PCDHA4: variants seen among roughly 807,000 people sequenced by gnomAD.
The protein encoded by PCDHA4 is protocadherin alpha-4.
Under a neutral mutation model 61.4 loss-of-function variants are expected in PCDHA4, and 49 were observed. That is an observed-to-expected ratio of 0.80 (90% CI 0.63 to 1.01). The LOEUF (loss-of-function observed/expected upper bound fraction) is 1.01. PCDHA4 is among the 50% of genes least tolerant of loss of function. The pLI, the probability that PCDHA4 is intolerant of heterozygous loss-of-function variation, is 0.00. For synonymous variants in PCDHA4, 590 were observed against 550.3 expected, an observed-to-expected ratio of 1.07 and a Z score of -1.01; for missense variants, 1,254 against 1,235.8, an observed-to-expected ratio of 1.01 and a Z score of -0.22.
chr5:140,893,667 A>C (rs564806011), intron 1 of PCDHA4, among the ~76,000 whole-genome samples: 4 of 152,316 alleles, frequency 2.6e-5, no homozygotes, highest in African/African-American at 9.6e-5. Flanking sequence ...AAAAAATTTC[A>C]GCACTTTGGA....
At chr5:140,970,327 A>AGCATG (rs2096397524) in intron 1 of PCDHA4, among the ~76,000 whole-genome samples, 1 of 152,204 alleles carries the variant, frequency 6.6e-6, no homozygotes, top group African/African-American at 2.4e-5. Context: ...GTACTTCCAA[A>AGCATG]GCATGCATTC....
chr5:140,869,730 T>G (rs1319130298), intron 1 of PCDHA4: 24 of 1,613,274 alleles, frequency 1.5e-5, no homozygotes, highest in Non-Finnish European at 2.0e-5. Context: ...CGGAACTTAA[T>G]TTGCTGCTAA....
At position 140,982,483 on chromosome 5, in the gene PCDHA4, A is replaced by C. The variant is rs1554244276; in HGVS notation, c.2453A>C (p.His818Pro). 1.2e-5 allele frequency: 20 copies of C among 1,614,142 alleles called. No homozygotes were observed. In the South Asian group the frequency reaches 1.9e-4, roughly 15 times the overall value. The stretch of plus-strand genomic sequence containing the variant: ...TCTGTGTGTTTATTCAGCTCTGTGC[A>C]CCTAGAGGAGGCTGGCATTCTACGG... ...SLRAGMHSSV[H>P]LEEAGILRAG... The change falls in exon 3 of 4, where the codon CAC becomes CCC. Residue 818 changes from histidine to proline, a missense_variant. By Grantham distance (77) the His-to-Pro change is moderately conservative. Coordinates refer to ENST00000530339, the MANE Select transcript of PCDHA4 (RefSeq NM_018907.4).
rs73793505 is a variant in PCDHA4, at chr5:140,858,470, T to C, written c.2385+48898T>C. The C allele has an allele frequency of 3.2e-3, 4,807 of 1,519,778 alleles. 358 individuals are homozygous for C. In the African/African-American group the frequency reaches 0.058, roughly 18 times the overall value. 94.1% of individuals were successfully genotyped at this position (1,519,778 alleles called of 1,614,324 possible). A position where few individuals can be genotyped will look rare whatever the true frequency, so the allele number is the denominator to read the frequency against. On this transcript the variant is annotated intron_variant, in intron 1 of 3. Transcript: ENST00000530339. ...TTACGTTTTCATTTTCCTTTTGTGC[T>C]TTATGAATAATATTTTCTCTTACCG...
chr5:140,820,952 GT>G (rs1554127955), intron 1 of PCDHA4, among the ~76,000 whole-genome samples: 2 of 151,916 alleles, frequency 1.3e-5, no homozygotes, highest in African/African-American at 4.8e-5. Context: ...CCCCATTACA[GT>G]TTTTGAGTCA....
chr5:140,876,062 G>C, intron 1 of PCDHA4: 1 of 1,613,842 alleles, frequency 6.2e-7, no homozygotes, highest in South Asian at 1.1e-5. Flanking sequence ...TTAGTTCTTC[G>C]GAAGTTATTG....
chr5:140,981,755 A>G (rs868964961), intron 2 of PCDHA4, among the ~76,000 whole-genome samples: 12 of 152,222 alleles, frequency 7.9e-5, no homozygotes, highest in Admixed American at 3.3e-4. Context: ...TTAGTATTAG[A>G]CATACATAAA....
intron 1 of PCDHA4, chr5:140,853,842 C>G: frequency 1.0e-6 from 1 of 986,448 alleles, no homozygotes; most frequent in Non-Finnish European, 1.2e-6. Flanking sequence ...AATTTTAGAT[C>G]CATAGCCCTA....
At chr5:140,941,375 G>A (rs1441847516) in intron 1 of PCDHA4, among the ~76,000 whole-genome samples, 1 of 134,938 alleles carries the variant, frequency 7.4e-6, no homozygotes, top group Non-Finnish European at 1.5e-5. Context: ...GGAGTGTAGT[G>A]ACAGGATTTT....
chr5:140,957,883 A>C (rs1413437105), intron 1 of PCDHA4, among the ~76,000 whole-genome samples: 1 of 152,098 alleles, frequency 6.6e-6, no homozygotes. Flanking sequence ...TGAAAAGCTG[A>C]AGTTGGCATC....
At chr5:140,929,768 C>T (rs534287991) in intron 1 of PCDHA4, 1 of 175,482 alleles carries the variant, frequency 5.7e-6, no homozygotes, top group South Asian at 2.0e-4. Context: ...ACGATAACCA[C>T]AAAAGATGTA....
intron 1 of PCDHA4, among the ~76,000 whole-genome samples, chr5:140,818,650 AAT>A (rs1475633979): frequency 1.3e-5 from 2 of 152,206 alleles, no homozygotes; most frequent in African/African-American, 4.8e-5. Context: ...GAGCCTGAGC[AAT>A]ATAGGGAGAC....
At chr5:140,891,963 A>C (rs1202145353) in intron 1 of PCDHA4, among the ~76,000 whole-genome samples, 1 of 152,214 alleles carries the variant, frequency 6.6e-6, no homozygotes, top group African/African-American at 2.4e-5. Flanking sequence ...TGTGAGAAGT[A>C]AATTTCCGTT....
chr5:140,807,618 A>C lies in PCDHA4; in HGVS notation c.431A>C (p.Glu144Ala), dbSNP rs1177804428. 2 of 1,614,184 alleles carry C rather than the reference A, an allele frequency of 1.2e-6. No homozygotes were observed. The change falls in exon 1 of 4, where the codon GAA becomes GCA. Residue 144 changes from glutamate (E) to alanine (A), a missense_variant. Physicochemically the swap from Glu to Ala is moderately radical, Grantham distance 107 (BLOSUM62 -1). Transcript: ENST00000530339. Reference sequence around the variant, plus strand: ...ACACAAAAGAACCTGTCCATCGCGGAATCCAGGCCGCTTGACTCTCGGTTT... The same window carrying C: ...ACACAAAAGAACCTGTCCATCGCGGCATCCAGGCCGCTTGACTCTCGGTTT... ...PATQKNLSIA[E>A]SRPLDSRFPL... is the part of the protein sequence containing the mutation.
chr5:140,850,114 C>T (rs2150468329), intron 1 of PCDHA4: 2 of 1,595,992 alleles, frequency 1.3e-6, no homozygotes, highest in Non-Finnish European at 1.7e-6. Context: ...GCGCGCGACG[C>T]GGGCGTGCCG....
At chr5:140,914,059 G>A (rs2076582448) in intron 1 of PCDHA4, among the ~76,000 whole-genome samples, 1 of 152,202 alleles carries the variant, frequency 6.6e-6, no homozygotes, top group African/African-American at 2.4e-5. Flanking sequence ...GCTGTTGGAT[G>A]AAATGCTCCA....
At chr5:140,954,453 A>G (rs1489783264) in intron 1 of PCDHA4, among the ~76,000 whole-genome samples, 1 of 152,142 alleles carries the variant, frequency 6.6e-6, no homozygotes, top group East Asian at 1.9e-4. Flanking sequence ...ACTTGTTAAT[A>G]ATTGCCATTC....
chr5:140,991,503 T>C (rs975448423), intron 3 of PCDHA4, among the ~76,000 whole-genome samples: 6 of 152,246 alleles, frequency 3.9e-5, no homozygotes, highest in Non-Finnish European at 7.3e-5. Context: ...TGAGTTTCAC[T>C]GGCTAAAATC....
At chr5:140,985,072 A>C (rs2097134751) in intron 3 of PCDHA4, among the ~76,000 whole-genome samples, 1 of 151,864 alleles carries the variant, frequency 6.6e-6, no homozygotes, top group Admixed American at 6.6e-5. Flanking sequence ...TGAGTAGCTG[A>C]GACTACAGGC....
Sources: allele counts gnomAD v4.1 joint callset (sites outside exome capture counted in the v4.1 genomes callset), GRCh38; gene constraint gnomAD v4.1.1; transcripts MANE v1.5; gene names NCBI Gene and HGNC (gene_info 2026-07-23, HGNC 2026-07-21).